The following HOXA3 variants were observed in gnomAD, a reference collection of about 807,000 sequenced individuals.
HOXA3 encodes the protein homeobox A3.
Under a neutral mutation model 30.3 loss-of-function variants are expected in HOXA3, and 8 were observed. That is an observed-to-expected ratio of 0.26 (90% CI 0.15 to 0.48). The LOEUF is 0.48. Among genes scored for constraint, HOXA3 ranks in the 20% least tolerant of loss-of-function variants. The probability of loss-of-function intolerance (pLI) is 0.99; values close to 1 mark genes in which losing one functional copy is unlikely to be tolerated. For synonymous variants in HOXA3, 323 were observed against 273.1 expected (o/e 1.18, Z -1.80); for missense variants, 653 against 614.4 (o/e 1.06, Z -0.66).
intron 2 of HOXA3, chr7:27,129,419 G>C: frequency 6.2e-7 from 1 of 1,614,148 alleles, no homozygotes; most frequent in Non-Finnish European, 8.5e-7. Flanking sequence ...TTGACCTGGC[G>C]CTCAGACAAA....
intron 2 of HOXA3, among the ~76,000 whole-genome samples, chr7:27,133,794 A>G (rs1388860480): frequency 6.6e-6 from 1 of 152,232 alleles, no homozygotes; most frequent in Non-Finnish European, 1.5e-5. Context: ...GTGACCGAAC[A>G]GTGACACCGT....
rs1414556668 is a variant in HOXA3, at chr7:27,126,962, T to TTC, written c.-282_-281insGA. 6.6e-6 allele frequency: 1 copy of TTC among 151,824 alleles called. No individual in the cohort carries two copies. Among genetic ancestry groups the TTC allele is most frequent in the African/African-American group, 2.4e-5 (1 of 41,314 alleles). 9.4% of individuals were successfully genotyped at this position (151,824 alleles called of 1,614,324 possible). On this transcript the variant is annotated 5_prime_UTR_variant, in exon 3 of 6. An upstream open reading frame in the 5' UTR gains an earlier in-frame stop. Transcript: ENST00000612286. ...TCCACTGAGAGTCTAGGCATTTTTT[T>TTC]TTTTTAGCAGACAGCCAAGATGCTG...
intron 4 of HOXA3, among the ~76,000 whole-genome samples, chr7:27,111,001 G>C (rs575190298): frequency 1.3e-5 from 2 of 152,192 alleles, no homozygotes; most frequent in African/African-American, 4.8e-5. Flanking sequence ...GAATGAGTGA[G>C]GGCTGCAAGC....
Position 27,110,145 on chromosome 7 carries a change from T to C in HOXA3, c.496A>G (p.Thr166Ala). 1 of 1,614,184 alleles carries C rather than the reference T, an allele frequency of 6.2e-7. No individual in the cohort carries two copies. ...CTGGAGCTGCTGGTTTTCTGCTTTG[T>C]GTTTTGTCGAGACTCTTTCATCCAG... is the stretch of plus-strand genomic sequence containing the variant. ...FPWMKESRQNTKQKTSSSSSG... is the reference protein window; with the variant it reads ...FPWMKESRQNAKQKTSSSSSG... Residue 166 changes from threonine to alanine, a missense_variant, in exon 5 of 6, where the codon ACA becomes GCA. Transcript: ENST00000612286.
chr7:27,149,375 C>T (rs191215375), intron 1 of HOXA3, among the ~76,000 whole-genome samples: 2 of 152,354 alleles, frequency 1.3e-5, no homozygotes, highest in Admixed American at 1.3e-4. Flanking sequence ...TGCAGGCTCA[C>T]CCGGTTCAGG....
chr7:27,133,187 A>C lies in HOXA3; in HGVS notation c.-389-6117T>G, dbSNP rs572925753. On this transcript the variant is annotated intron_variant, in intron 2 of 5. Coordinates refer to ENST00000612286, the MANE Select transcript of HOXA3 (RefSeq NM_153631.3). Reference sequence around the variant, plus strand: ...CTCAACACCGACATTTTGACATTTTACTGCAAGATTTATGGCTGTAATAAA... The same window carrying C: ...CTCAACACCGACATTTTGACATTTTCCTGCAAGATTTATGGCTGTAATAAA... 2.6e-5 allele frequency among the ~76,000 whole-genome samples: 4 copies of C among 152,318 alleles called. No homozygotes were observed. In the East Asian group the frequency reaches 7.7e-4, roughly 29 times the overall value.
chr7:27,128,691 A>G (rs1322254347), intron 2 of HOXA3: 1 of 168,066 alleles, frequency 6.0e-6, no homozygotes, highest in Non-Finnish European at 1.3e-5. Flanking sequence ...TGCAAGTAAG[A>G]AAAACTAACA....
In HOXA3 at chr7:27,108,721, C is replaced by A. The variant is rs1185128081; in HGVS notation, c.527-1G>T. On this transcript the variant is annotated splice_acceptor_variant, in intron 5 of 5. Coordinates refer to ENST00000612286, the MANE Select transcript of HOXA3 (RefSeq NM_153631.3). LOFTEE classifies it high-confidence loss of function. This position sits in a 1 kb window ranked among gnomAD's most constrained non-coding sequence, Gnocchi z 5.0. ...CTCTTGTCGCCAGCGCAGCTTTCGC[C>A]TGCGAGGACAGAGAGAGGAAGAGCG... 6.3e-7 allele frequency: 1 copy of A among 1,591,088 alleles called. No individual in the cohort carries two copies. The highest frequency in any genetic ancestry group is 8.6e-7 in the Non-Finnish European group (1 of 1,166,566).
intron 2 of HOXA3, among the ~76,000 whole-genome samples, chr7:27,132,961 A>G (rs1785605777): frequency 6.6e-6 from 1 of 152,208 alleles, no homozygotes; most frequent in Non-Finnish European, 1.5e-5. Flanking sequence ...AGAACCTTGT[A>G]CCAAGTTTCT....
chr7:27,115,705 C>T (rs902100337), intron 4 of HOXA3: 3 of 152,300 alleles, frequency 2.0e-5, no homozygotes, highest in African/African-American at 7.2e-5. Flanking sequence ...GGGACCAGAC[C>T]TGAGGAGCCG....
chr7:27,151,438 C>A (rs1280180188), intron 1 of HOXA3: 1 of 350,838 alleles, frequency 2.9e-6, no homozygotes, highest in East Asian at 8.9e-5. Context: ...GTCCCCCTAT[C>A]GCCCAGACTC....
At chr7:27,118,495 A>G (rs1182263448) in intron 4 of HOXA3, among the ~76,000 whole-genome samples, 1 of 152,162 alleles carries the variant, frequency 6.6e-6, no homozygotes, top group African/African-American at 2.4e-5. Context: ...GCTTTGGGGG[A>G]GGGTAGGTGG....
chr7:27,141,982 G>C (rs748418418), intron 1 of HOXA3: 1 of 1,614,206 alleles, frequency 6.2e-7, no homozygotes, highest in Non-Finnish European at 8.5e-7. Flanking sequence ...TCCTCCTTCT[G>C]CGGGTCAGGT....
chr7:27,111,831 A>C (rs1784396243), intron 4 of HOXA3, among the ~76,000 whole-genome samples: 1 of 152,204 alleles, frequency 6.6e-6, no homozygotes, highest in Non-Finnish European at 1.5e-5. Flanking sequence ...CTTCCAACTT[A>C]ACGATAATAG....
chr7:27,129,262 T>C (rs769510422), intron 2 of HOXA3: 3 of 1,455,002 alleles, frequency 2.1e-6, no homozygotes, highest in East Asian at 2.6e-5. Flanking sequence ...GGTGCTCGGG[T>C]GGGGGTGGGG....
intron 4 of HOXA3, among the ~76,000 whole-genome samples, chr7:27,114,940 G>A (rs2128044391): frequency 7.1e-6 from 1 of 140,004 alleles, no homozygotes; most frequent in South Asian, 2.3e-4. Flanking sequence ...CAAAAGAAAG[G>A]TCCGAATTTG....
At chr7:27,151,806 C>T (rs1439833418) in intron 1 of HOXA3, 2 of 399,770 alleles carry the variant, frequency 5.0e-6, no homozygotes, top group Admixed American at 5.3e-5. Flanking sequence ...CCTCTTCCCA[C>T]CTTCCCAGGT....
At chr7:27,147,511 T>C in intron 1 of HOXA3, 1 of 1,614,122 alleles carries the variant, frequency 6.2e-7, no homozygotes, top group Non-Finnish European at 8.5e-7. Flanking sequence ...CTTATCAGAA[T>C]AGAAACACGA....
chr7:27,125,960 C>T (rs970309819), intron 3 of HOXA3, among the ~76,000 whole-genome samples: 1 of 152,140 alleles, frequency 6.6e-6, no homozygotes, highest in Non-Finnish European at 1.5e-5. Context: ...GAATGGGGCC[C>T]GCTGGGACAA....
Sources: allele counts gnomAD v4.1 joint callset (sites outside exome capture counted in the v4.1 genomes callset), GRCh38; gene constraint gnomAD v4.1.1; non-coding constraint Gnocchi (gnomAD v3.1); transcripts MANE v1.5; gene names NCBI Gene and HGNC (gene_info 2026-07-23, HGNC 2026-07-21).